The following XPR1 variants were observed in gnomAD, a reference collection of about 807,000 sequenced individuals.
XPR1 encodes the protein xenotropic and polytropic retrovirus receptor 1.
Under a neutral mutation model 87.5 loss-of-function variants are expected in XPR1, and 28 were observed. That is an observed-to-expected ratio of 0.32 (90% CI 0.24 to 0.44). The LOEUF (loss-of-function observed/expected upper bound fraction) is 0.44. Ranked by LOEUF, XPR1 falls within the 20% of genes least tolerant of loss-of-function variation. The pLI is 1.00. For missense variants in XPR1, 559 were observed against 862.3 expected (o/e 0.65, Z 4.41); for synonymous variants, 300 against 306.1 (o/e 0.98, Z 0.21).
intron 14 of XPR1, among the ~76,000 whole-genome samples, chr1:180,881,169 AT>A (rs36070137): frequency 3.4e-4 from 50 of 147,790 alleles, no homozygotes; most frequent in African/African-American, 5.4e-4. Flanking sequence ...GTCACAGATA[AT>A]TTTTTTTTTT....
At position 180,855,654 on chromosome 1, in the gene XPR1, C is replaced by T. The variant is rs565410144; in HGVS notation, c.1502-8054C>T. On this transcript the variant is annotated intron_variant, in intron 11 of 14. Transcript: ENST00000367590. ...TCTCCAGCCTGGCGACAGAGTGAGA[C>T]TGTGTCTCAAAAAAAAAAAAAAAGT... 1.9e-3 allele frequency among the ~76,000 whole-genome samples: 272 copies of T among 141,834 alleles called. 1 individual carries two copies. The highest frequency in any genetic ancestry group is 2.3e-3 in the Non-Finnish European group (149 of 66,148). 93.0% of individuals were successfully genotyped at this position (141,834 alleles called of 152,430 possible). A position where few individuals can be genotyped will look rare whatever the true frequency, so the allele number is the denominator to read the frequency against.
rs534299791 is a variant in XPR1 at position 180,637,025 on chromosome 1, C to G, written c.69+4755C>G. ...TGAGATTGTGCCACTGCACTCCAGC[C>G]TGGCAACAGAGTAAGACTTCATCTC... On this transcript the variant is annotated intron_variant, in intron 1 of 14. Coordinates refer to ENST00000367590, the MANE Select transcript of XPR1 (RefSeq NM_004736.4). Among the ~76,000 whole-genome samples the G allele has an allele frequency of 3.3e-3, 445 of 136,566 alleles. 3 individuals are homozygous for G. Among genetic ancestry groups the G allele is most frequent in the African/African-American group, 0.012 (410 of 34,258 alleles). The allele number at this position is 136,566 out of a possible 152,430, so 89.6% of individuals were successfully genotyped here. A position where few individuals can be genotyped will look rare whatever the true frequency, so the allele number is the denominator to read the frequency against.
intron 2 of XPR1, among the ~76,000 whole-genome samples, chr1:180,729,964 G>A (rs1349180155): frequency 2.0e-5 from 3 of 152,144 alleles, no homozygotes; most frequent in Middle Eastern, 3.4e-3. Context: ...AATCTTTGCC[G>A]GGGTCTATGT....
chr1:180,788,256 G>A (rs975350831), intron 3 of XPR1, among the ~76,000 whole-genome samples: 5 of 152,238 alleles, frequency 3.3e-5, no homozygotes, highest in African/African-American at 1.2e-4. Flanking sequence ...TTTCTCTAAA[G>A]CACTGGCCTC....
intron 14 of XPR1, among the ~76,000 whole-genome samples, chr1:180,882,967 G>GTTTTTT (rs1156645233): frequency 6.6e-6 from 1 of 150,542 alleles, no homozygotes; most frequent in African/African-American, 2.5e-5. Flanking sequence ...TTGGGGGTTG[G>GTTTTTT]TTGTTTTTTT....
Position 180,816,075 on chromosome 1 carries a change from T to G in XPR1, c.763+4587T>G, listed in dbSNP as rs60093636. 2.0e-5 allele frequency among the ~76,000 whole-genome samples: 3 copies of G among 152,256 alleles called. No homozygotes were observed. In the East Asian group the frequency reaches 5.8e-4, roughly 29 times the overall value. On this transcript the variant is annotated intron_variant, in intron 7 of 14. Coordinates refer to ENST00000367590, the MANE Select transcript of XPR1 (RefSeq NM_004736.4). ...TGTACAGTGGAATACCATGGAGATA[T>G]TAAGATGAATGAGGTAATGGTGGGA...
intron 1 of XPR1, among the ~76,000 whole-genome samples, chr1:180,634,606 C>A (rs1385517316): frequency 6.6e-6 from 1 of 152,110 alleles, no homozygotes; most frequent in Non-Finnish European, 1.5e-5. Context: ...AGATGATGCT[C>A]TTAAAATGCT....
chr1:180,697,156 A>G (rs955464541), intron 2 of XPR1, among the ~76,000 whole-genome samples: 1 of 151,896 alleles, frequency 6.6e-6, no homozygotes, highest in Non-Finnish European at 1.5e-5. Flanking sequence ...CAGTCTTACT[A>G]CTCGTTATTG....
At chr1:180,671,614 T>A (rs1231883166) in intron 1 of XPR1, among the ~76,000 whole-genome samples, 1 of 152,080 alleles carries the variant, frequency 6.6e-6, no homozygotes, top group Non-Finnish European at 1.5e-5. Context: ...AGCCCCCACC[T>A]CCTGGGTTCA....
chr1:180,642,406 C>T (rs1242503194), intron 1 of XPR1, among the ~76,000 whole-genome samples: 1 of 152,036 alleles, frequency 6.6e-6, no homozygotes, highest in Admixed American at 6.6e-5. Context: ...GTATACATGA[C>T]TGTCCCCTTT....
chr1:180,821,018 A>G (rs1173393450), intron 7 of XPR1, among the ~76,000 whole-genome samples: 1 of 146,362 alleles, frequency 6.8e-6, no homozygotes, highest in Admixed American at 6.8e-5. Context: ...TTTTTTTTTT[A>G]CTTTCTTGAT....
chr1:180,659,417 T>G (rs1442317319), intron 1 of XPR1, among the ~76,000 whole-genome samples: 8 of 132,536 alleles, frequency 6.0e-5, no homozygotes. Flanking sequence ...CCTTCCTTCC[T>G]TCCTTCCTTC....
intron 2 of XPR1, among the ~76,000 whole-genome samples, chr1:180,774,652 C>T (rs1372673713): frequency 6.6e-6 from 1 of 151,986 alleles, no homozygotes; most frequent in African/African-American, 2.4e-5. Context: ...CGTGATCTGC[C>T]TGCCTCGGCC....
At chr1:180,846,540 C>G (rs1296741053) in intron 11 of XPR1, among the ~76,000 whole-genome samples, 1 of 151,574 alleles carries the variant, frequency 6.6e-6, no homozygotes, top group Non-Finnish European at 1.5e-5. Flanking sequence ...CTCCCAGGTT[C>G]AAGCAATTCT....
At chr1:180,644,433 T>TA (rs1375072884) in intron 1 of XPR1, among the ~76,000 whole-genome samples, 1 of 151,160 alleles carries the variant, frequency 6.6e-6, no homozygotes, top group Non-Finnish European at 1.5e-5. Context: ...ATAACGTTAA[T>TA]ACTACTGATA....
At chr1:180,744,864 G>A (rs1346967597) in intron 2 of XPR1, among the ~76,000 whole-genome samples, 1 of 151,754 alleles carries the variant, frequency 6.6e-6, no homozygotes, top group Non-Finnish European at 1.5e-5. Flanking sequence ...TGTTAGCCAG[G>A]ATGGTCTCGA....
intron 2 of XPR1, among the ~76,000 whole-genome samples, chr1:180,753,373 T>C (rs1254193371): frequency 6.6e-6 from 1 of 152,020 alleles, no homozygotes; most frequent in Non-Finnish European, 1.5e-5. Flanking sequence ...AAGACCAGCC[T>C]GCGCAACGTG....
At chr1:180,661,511 GTGTGTGT>G (rs765401824) in intron 1 of XPR1, among the ~76,000 whole-genome samples, 5 of 128,592 alleles carry the variant, frequency 3.9e-5, no homozygotes, top group South Asian at 2.5e-4. Flanking sequence ...GTGTGTGTGT[GTGTGTGT>G]GGTATGTTTT....
chr1:180,738,537 T>G (rs1658805410), intron 2 of XPR1, among the ~76,000 whole-genome samples: 1 of 152,230 alleles, frequency 6.6e-6, no homozygotes, highest in Non-Finnish European at 1.5e-5. Context: ...AATTACCCAT[T>G]TAAAATGTTC....
Sources: allele counts gnomAD v4.1 joint callset (sites outside exome capture counted in the v4.1 genomes callset), GRCh38; gene constraint gnomAD v4.1.1; transcripts MANE v1.5; gene names NCBI Gene and HGNC (gene_info 2026-07-23, HGNC 2026-07-21).